SLC14A1: variants seen among roughly 807,000 people sequenced by gnomAD.
The protein encoded by SLC14A1 is solute carrier family 14 member 1 (Kidd blood group), also known as urea transporter 1.
Under a neutral mutation model 39.6 loss-of-function variants are expected in SLC14A1, and 36 were observed. That is an observed-to-expected ratio of 0.91 (90% CI 0.70 to 1.20). The LOEUF (loss-of-function observed/expected upper bound fraction) is 1.20. SLC14A1 is among the 50% of genes most tolerant of loss of function. The pLI is 0.00. For synonymous variants in SLC14A1, 164 were observed against 173.6 expected, an observed-to-expected ratio of 0.94 and a Z score of 0.43; for missense variants, 469 against 478.7, an observed-to-expected ratio of 0.98 and a Z score of 0.19.
chr18:45,739,663 G>A lies in SLC14A1; in HGVS notation c.946+1G>A, dbSNP rs745631335. ...ACCCACCTCCTGGCTCTTGGCTGTG[G>A]TGAGTCTCCCACGCCCCTGGGGGAG... is the stretch of plus-strand genomic sequence containing the variant. On this transcript the variant is annotated splice_donor_variant, in intron 8 of 9. Coordinates refer to ENST00000321925, the MANE Select transcript of SLC14A1 (RefSeq NM_015865.7). LOFTEE classifies it high-confidence loss of function. 1.9e-6 allele frequency: 3 copies of A among 1,614,180 alleles called. No homozygotes were observed. The highest frequency in any genetic ancestry group is 2.2e-5 in the East Asian group (1 of 44,866).
At chr18:45,742,949 G>A (rs2047430725) in intron 8 of SLC14A1, among the ~76,000 whole-genome samples, 1 of 152,214 alleles carries the variant, frequency 6.6e-6, no homozygotes, top group African/African-American at 2.4e-5. Flanking sequence ...GCCTCCCAAA[G>A]TGCTGGGATT....
chr18:45,751,380 A>C lies in SLC14A1; in HGVS notation c.*1429A>C. Reference sequence around the variant, plus strand: ...AAACAAACAAAAACAAAAACAAAACAAAACAAAACAAAACAAAACAGGTAA... The same window carrying C: ...AAACAAACAAAAACAAAAACAAAACCAAACAAAACAAAACAAAACAGGTAA... On this transcript the variant is annotated 3_prime_UTR_variant, in exon 10 of 10. Coordinates refer to ENST00000321925, the MANE Select transcript of SLC14A1 (RefSeq NM_015865.7). 1 of 983,924 alleles carries C rather than the reference A, an allele frequency of 1.0e-6. No homozygotes were observed. The highest frequency in any genetic ancestry group is 1.2e-6 in the Non-Finnish European group (1 of 829,178). The allele number at this position is 983,924 out of a possible 1,614,324, so 60.9% of individuals were successfully genotyped here.
At position 45,739,182 on chromosome 18, in the gene SLC14A1, T is replaced by C. The variant is rs768191887; in HGVS notation, c.683T>C (p.Val228Ala). 3 of 1,614,044 alleles carry C rather than the reference T, an allele frequency of 1.9e-6. No individual in the cohort carries two copies. In the Admixed American group the frequency reaches 5.0e-5, roughly 27 times the overall value. Residue 228 changes from valine to alanine, a missense_variant, in exon 7 of 10, where the codon GTG becomes GCG. Transcript: ENST00000321925. ...TTGCAGTTGTTGAAATCTATACCAGTGGGAGTTGGTCAGATCTATGGCTGT... is the reference window on the plus strand; with the variant it reads ...TTGCAGTTGTTGAAATCTATACCAGCGGGAGTTGGTCAGATCTATGGCTGT... ...SALELLKSIP[V>A]GVGQIYGCDN...
chr18:45,747,673 C>G (rs553708217), intron 8 of SLC14A1, among the ~76,000 whole-genome samples: 1 of 151,558 alleles, frequency 6.6e-6, no homozygotes, highest in Admixed American at 6.6e-5. Context: ...CCAGCCTGGG[C>G]GACTGAGTGA....
chr18:45,746,008 T>C (rs374949386), intron 8 of SLC14A1, among the ~76,000 whole-genome samples: 30 of 152,364 alleles, frequency 2.0e-4, no homozygotes, highest in East Asian at 9.6e-4. Context: ...AGTGGCTTTA[T>C]CAGGAAGTGG....
At chr18:45,727,655 C>T (rs984069293) in intron 2 of SLC14A1, among the ~76,000 whole-genome samples, 2 of 152,182 alleles carry the variant, frequency 1.3e-5, no homozygotes, top group African/African-American at 4.8e-5. Context: ...TGGGGTTTTA[C>T]GTTTACCCTG....
In SLC14A1 at chr18:45,751,067, C is replaced by T. The variant is rs515684; in HGVS notation, c.*1116C>T. 975,117 of 980,854 alleles carry T rather than the reference C, an allele frequency of 0.99. 484,945 individuals carry two copies. Among genetic ancestry groups the T allele is most frequent in the East Asian group, 1 (8,786 of 8,786 alleles). The allele number at this position is 980,854 out of a possible 1,614,324, so 60.8% of individuals were successfully genotyped here. On this transcript the variant is annotated 3_prime_UTR_variant, in exon 10 of 10. Transcript: ENST00000321925. Reference sequence around the variant, plus strand: ...CCAAAAAGAAATAAAGGGCTGAGTGCGGTGGCTCACGCCTGTAATCCCAGC... The same window carrying T: ...CCAAAAAGAAATAAAGGGCTGAGTGTGGTGGCTCACGCCTGTAATCCCAGC...
intron 8 of SLC14A1, among the ~76,000 whole-genome samples, chr18:45,740,226 G>A (rs1021246554): frequency 4.6e-5 from 7 of 152,174 alleles, no homozygotes; most frequent in Non-Finnish European, 8.8e-5. Flanking sequence ...CAAACTAAAC[G>A]GGAATAACTC....
At chr18:45,746,971 G>T (rs547494207) in intron 8 of SLC14A1, among the ~76,000 whole-genome samples, 1 of 152,180 alleles carries the variant, frequency 6.6e-6, no homozygotes, top group African/African-American at 2.4e-5. Flanking sequence ...CAATTCATAC[G>T]TGAAAGAATT....
intron 9 of SLC14A1, 115 bp downstream of exon 9, chr18:45,748,540 A>G (rs1251384341): frequency 9.7e-7 from 1 of 1,032,514 alleles, no homozygotes; most frequent in African/African-American, 1.6e-5. Context: ...CATGACCATG[A>G]GAAGCACTGC....
chr18:45,739,621 TG>T lies in SLC14A1; in HGVS notation c.907del (p.Ala303ArgfsTer50), dbSNP rs1382821314. On this transcript the variant is annotated frameshift_variant, in exon 8 of 10. Coordinates refer to ENST00000321925, the MANE Select transcript of SLC14A1 (RefSeq NM_015865.7). LOFTEE classifies it high-confidence loss of function. ...LACIAMGGMF[M>X]ALTWQTHLLA... ...TGCATTGCAATGGGAGGAATGTTCA[TG>T]GCGCTCACCTGGCAAACCCACCTCC... The T allele has an allele frequency of 6.2e-7, 1 of 1,614,198 alleles. No individual in the cohort carries two copies. The highest frequency in any genetic ancestry group is 2.2e-5 in the East Asian group (1 of 44,878).
chr18:45,731,099 T>C lies in SLC14A1; in HGVS notation c.236T>C (p.Ile79Thr). Residue 79 changes from isoleucine (I) to threonine (T), a missense_variant, in exon 4 of 10, where the codon ATC (isoleucine) becomes ACC (threonine). Transcript: ENST00000321925. ...VVFVNNPVSG[I>T]LILVGLLVQN... ...TTCGTCAACAACCCCGTCAGTGGAA[T>C]CCTGATTCTGGTAGGACTTCTTGTT... is the stretch of plus-strand genomic sequence containing the variant. 1.9e-6 allele frequency: 3 copies of C among 1,614,176 alleles called. No individual in the cohort carries two copies. Among genetic ancestry groups the C allele is most frequent in the Non-Finnish European group, 1.7e-6 (2 of 1,180,018 alleles).
intron 5 of SLC14A1, among the ~76,000 whole-genome samples, chr18:45,735,147 T>C (rs1017799158): frequency 6.6e-6 from 1 of 152,192 alleles, no homozygotes; most frequent in Non-Finnish European, 1.5e-5. Flanking sequence ...TGGTCTGCGG[T>C]AGCGCCTGGG....
At chr18:45,726,053 A>G (rs1252424825) in intron 2 of SLC14A1, among the ~76,000 whole-genome samples, 1 of 152,172 alleles carries the variant, frequency 6.6e-6, no homozygotes, top group East Asian at 1.9e-4. Flanking sequence ...GCTTTATATA[A>G]CATGAGAGCC....
At chr18:45,729,148 T>C (rs1218340920) in intron 2 of SLC14A1, 1 of 152,162 alleles carries the variant, frequency 6.6e-6, no homozygotes, top group Admixed American at 6.5e-5. Flanking sequence ...CTTTCAGTGT[T>C]TCTTTGGTAG....
At chr18:45,727,283 G>A (rs1350555069) in intron 2 of SLC14A1, 1 of 1,551,710 alleles carries the variant, frequency 6.4e-7, no homozygotes, top group Admixed American at 2.0e-5. Flanking sequence ...TGAATGGACG[G>A]TCTTTGATTG....
Position 45,739,167 on chromosome 18 carries a change from T to A in SLC14A1, c.668T>A (p.Leu223Ter), listed in dbSNP as rs1323090714. Residue 223 changes from leucine (L) to a stop codon, truncating the protein, a stop_gained, in exon 7 of 10, where the codon TTG becomes TAG. Coordinates refer to ENST00000321925, the MANE Select transcript of SLC14A1 (RefSeq NM_015865.7). LOFTEE classifies it high-confidence loss of function. ...SWSDLSALEL[L>*]KSIPVGVGQI... The stretch of plus-strand genomic sequence containing the variant: ...TTTCTTAAATTTCTTTTGCAGTTGT[T>A]GAAATCTATACCAGTGGGAGTTGGT... 1.9e-6 allele frequency: 3 copies of A among 1,614,186 alleles called. No individual in the cohort carries two copies. The highest frequency in any genetic ancestry group is 2.5e-6 in the Non-Finnish European group (3 of 1,180,022).
At chr18:45,727,054 T>G in intron 2 of SLC14A1, 1 of 532,434 alleles carries the variant, frequency 1.9e-6, no homozygotes, top group Non-Finnish European at 3.4e-6. Flanking sequence ...CATAGTCAGC[T>G]GCTGTCTTTC....
rs1419080294 is a variant in SLC14A1, at chr18:45,750,088, C to T, written c.*137C>T. ...GACGCGTCTGTAATCTGTTCTTATG[C>T]TCATTTTGTATTTTCCTTTCAACTC... On this transcript the variant is annotated 3_prime_UTR_variant, in exon 10 of 10. Transcript: ENST00000321925. 1.5e-5 allele frequency: 23 copies of T among 1,571,128 alleles called. No homozygotes were observed. In the East Asian group the frequency reaches 5.2e-4, roughly 35 times the overall value.
Sources: gnomAD v4.1 joint callset for allele counts (sites outside exome capture counted in the v4.1 genomes callset) on GRCh38, gnomAD v4.1.1 for gene constraint, MANE v1.5 for transcripts, NCBI Gene and HGNC (gene_info 2026-07-23, HGNC 2026-07-21) for gene names.